Variants in LRP1B observed in about 807,000 individuals in gnomAD.
The protein encoded by LRP1B is LDL receptor related protein 1B, also known as low-density lipoprotein receptor-related protein 1B.
In LRP1B, 217 loss-of-function variants were observed where a neutral mutation model predicts 556.6. The ratio of observed to expected loss-of-function variants is 0.39; its 90% CI spans 0.35 to 0.44. The LOEUF (loss-of-function observed/expected upper bound fraction) is 0.44. LRP1B is among the 20% of genes least tolerant of loss of function. The probability of loss-of-function intolerance (pLI) is 1.00; values close to 1 mark genes in which losing one functional copy is unlikely to be tolerated. For synonymous variants in LRP1B, 2,047 were observed against 1,865.8 expected, an observed-to-expected ratio of 1.10 and a Z score of -2.50; for missense variants, 5,053 against 5,620.8, an observed-to-expected ratio of 0.90 and a Z score of 3.23.
intron 62 of LRP1B, 51 bp from the exon 63 acceptor site, chr2:140,450,712 T>A (rs1686850983): frequency 8.0e-7 from 1 of 1,251,466 alleles, no homozygotes; most frequent in Admixed American, 2.1e-5. Flanking sequence ...AGTGCATATA[T>A]AATGGATAAT....
At chr2:141,850,468 C>A (rs116104593) in intron 1 of LRP1B, among the ~76,000 whole-genome samples, 4 of 151,198 alleles carry the variant, frequency 2.6e-5, no homozygotes, top group Non-Finnish European at 5.9e-5. Flanking sequence ...GAGTTTTTAA[C>A]TAAAAATGGT....
chr2:141,104,027 T>C (rs1018201704), intron 7 of LRP1B, among the ~76,000 whole-genome samples: 3 of 152,066 alleles, frequency 2.0e-5, no homozygotes, highest in Non-Finnish European at 2.9e-5. Flanking sequence ...AGGATTATAA[T>C]GTTTTAATAT....
intron 23 of LRP1B, among the ~76,000 whole-genome samples, chr2:140,900,799 C>T (rs1366804): frequency 0.95 from 143,903 of 152,010 alleles, 68,584 homozygotes; most frequent in East Asian, 1. Flanking sequence ...AACAATATGT[C>T]CTAGACATAA....
chr2:141,042,334 C>G (rs946501275), intron 11 of LRP1B, among the ~76,000 whole-genome samples: 1 of 152,066 alleles, frequency 6.6e-6, no homozygotes, highest in Non-Finnish European at 1.5e-5. Flanking sequence ...AGATTCGTCT[C>G]TTGTAACATG....
At chr2:140,625,555 T>TA (rs1054787301) in intron 41 of LRP1B, among the ~76,000 whole-genome samples, 1 of 152,052 alleles carries the variant, frequency 6.6e-6, no homozygotes, top group Admixed American at 6.6e-5. Context: ...ACACCTGACT[T>TA]AAAAAAATGG....
intron 43 of LRP1B, among the ~76,000 whole-genome samples, chr2:140,569,380 C>T (rs186935198): frequency 2.0e-5 from 3 of 151,688 alleles, no homozygotes; most frequent in Non-Finnish European, 3.0e-5. Flanking sequence ...AGATATTCCA[C>T]GCAAACAAAA....
chr2:141,871,722 G>A (rs193064430), intron 1 of LRP1B, among the ~76,000 whole-genome samples: 1 of 151,878 alleles, frequency 6.6e-6, no homozygotes, highest in Non-Finnish European at 1.5e-5. Flanking sequence ...CAAAATAGAT[G>A]AATGCACAAT....
chr2:141,902,706 G>A (rs1310073520), intron 1 of LRP1B, among the ~76,000 whole-genome samples: 1 of 132,450 alleles, frequency 7.6e-6, no homozygotes, highest in East Asian at 2.5e-4. Flanking sequence ...AACAAATGTA[G>A]TTGTGTCTTA....
intron 23 of LRP1B, among the ~76,000 whole-genome samples, chr2:140,892,811 C>CTAGACACTA (rs1693837528): frequency 4.6e-5 from 7 of 151,876 alleles, no homozygotes; most frequent in Admixed American, 4.6e-4. Flanking sequence ...GCATGCTCTA[C>CTAGACACTA]GACACTATCT....
chr2:141,103,731 C>T (rs1700528001), intron 7 of LRP1B, among the ~76,000 whole-genome samples: 1 of 150,226 alleles, frequency 6.7e-6, no homozygotes, highest in African/African-American at 2.4e-5. Context: ...AGAAGAAACC[C>T]CCTTTTTTAA....
chr2:140,860,975 C>CATCTATCT (rs35339728), intron 27 of LRP1B, among the ~76,000 whole-genome samples: 5,550 of 145,918 alleles, frequency 0.038, 123 homozygotes, highest in East Asian at 0.058. Flanking sequence ...GAGAATTGTG[C>CATCTATCT]ATCTATCTAT....
In LRP1B at chr2:140,375,721, TAA is replaced by T. The variant is rs564554918; in HGVS notation, c.10638+2457_10638+2458del. On this transcript the variant is annotated intron_variant, in intron 68 of 90. Coordinates refer to ENST00000389484, the MANE Select transcript of LRP1B (RefSeq NM_018557.3). ...ATTAACAATGTCTATGGATGCAGTT[TAA>T]GATTTCTTTGTTTTTTTGTTCTTAC... is the stretch of plus-strand genomic sequence containing the variant. 2.4e-3 allele frequency among the ~76,000 whole-genome samples: 366 copies of T among 152,234 alleles called. 2 individuals are homozygous for T. The highest frequency in any genetic ancestry group is 8.0e-3 in the African/African-American group (331 of 41,548).
At chr2:141,086,365 A>T (rs1200372540) in intron 7 of LRP1B, among the ~76,000 whole-genome samples, 2 of 152,100 alleles carry the variant, frequency 1.3e-5, no homozygotes, top group Non-Finnish European at 2.9e-5. Flanking sequence ...TGATTTGCCT[A>T]TTTCTTTAAT....
At chr2:141,654,159 G>A (rs936032245) in intron 2 of LRP1B, among the ~76,000 whole-genome samples, 4 of 152,118 alleles carry the variant, frequency 2.6e-5, no homozygotes, top group Admixed American at 2.0e-4. Flanking sequence ...AGTGGGTCCA[G>A]GAAATTGGAA....
chr2:140,327,725 T>C (rs1297272338), intron 79 of LRP1B, among the ~76,000 whole-genome samples: 1 of 152,012 alleles, frequency 6.6e-6, no homozygotes, highest in African/African-American at 2.4e-5. Flanking sequence ...AAACAGTGAG[T>C]ATGTAATCCA....
At chr2:141,073,143 A>C (rs944054408) in intron 7 of LRP1B, among the ~76,000 whole-genome samples, 2 of 152,116 alleles carry the variant, frequency 1.3e-5, no homozygotes, top group Non-Finnish European at 2.9e-5. Flanking sequence ...ATTTACATCC[A>C]AACTTTGCTA....
At chr2:141,527,479 C>T (rs150553566) in intron 2 of LRP1B, among the ~76,000 whole-genome samples, 10 of 151,856 alleles carry the variant, frequency 6.6e-5, no homozygotes, top group African/African-American at 1.7e-4. Context: ...CATTACTTGC[C>T]ATCATTATAG....
intron 35 of LRP1B, among the ~76,000 whole-genome samples, chr2:140,721,276 A>T (rs978348058): frequency 6.6e-6 from 1 of 152,124 alleles, no homozygotes; most frequent in African/African-American, 2.4e-5. Context: ...TGATTCTAAA[A>T]ATGATAAAGC....
intron 1 of LRP1B, among the ~76,000 whole-genome samples, chr2:141,880,124 TTC>T (rs1404014544): frequency 3.9e-5 from 6 of 151,978 alleles, no homozygotes; most frequent in Non-Finnish European, 8.8e-5. Flanking sequence ...ATTCTCTCCA[TTC>T]TCTCTCTGAC....
Sources: gnomAD v4.1 joint callset for allele counts (sites outside exome capture counted in the v4.1 genomes callset) on GRCh38, gnomAD v4.1.1 for gene constraint, MANE v1.5 for transcripts, NCBI Gene and HGNC (gene_info 2026-07-23, HGNC 2026-07-21) for gene names.